PRKN: variants seen among roughly 807,000 people sequenced by gnomAD.
PRKN encodes the protein E3 ubiquitin-protein ligase parkin.
Under a neutral mutation model 59.5 loss-of-function variants are expected in PRKN, and 56 were observed. The ratio of observed to expected loss-of-function variants is 0.94; its 90% CI spans 0.76 to 1.18. The LOEUF is 1.18. Ranked by LOEUF, PRKN falls within the 50% of genes most tolerant of loss-of-function variation. PRKN has a pLI of 0.00. For synonymous variants in PRKN, 250 were observed against 222.1 expected, an observed-to-expected ratio of 1.13 and a Z score of -1.12; for missense variants, 657 against 596.4, an observed-to-expected ratio of 1.10 and a Z score of -1.06.
At position 161,439,634 on chromosome 6, in the gene PRKN, T is replaced by C. The variant is rs12111020; in HGVS notation, c.1084-52757A>G. 4.9e-3 allele frequency among the ~76,000 whole-genome samples: 753 copies of C among 152,278 alleles called. 7 individuals are homozygous for C. Among genetic ancestry groups the C allele is most frequent in the African/African-American group, 0.016 (670 of 41,550 alleles). ...GAAGCCAGATCTCCGAGCGATTCCA[T>C]CTACACTGAACTAAACCGGTTTGTG... On this transcript the variant is annotated intron_variant, in intron 9 of 11. Coordinates refer to ENST00000366898, the MANE Select transcript of PRKN (RefSeq NM_004562.3).
intron 5 of PRKN, among the ~76,000 whole-genome samples, chr6:162,040,004 T>C (rs1225291893): frequency 6.6e-6 from 1 of 152,226 alleles, no homozygotes; most frequent in South Asian, 2.1e-4. Context: ...AAGCAGCATT[T>C]GGTGGGCACT....
intron 1 of PRKN, among the ~76,000 whole-genome samples, chr6:162,483,236 C>A (rs779185325): frequency 4.6e-5 from 7 of 152,078 alleles, no homozygotes; most frequent in Non-Finnish European, 1.0e-4. Context: ...ACATCAAGAT[C>A]TGATGACATG....
intron 2 of PRKN, among the ~76,000 whole-genome samples, chr6:162,270,525 GTGGA>G (rs1780330746): frequency 6.6e-6 from 1 of 152,144 alleles, no homozygotes; most frequent in African/African-American, 2.4e-5. Flanking sequence ...AATCATTTCA[GTGGA>G]AGGCTGTCAA....
chr6:162,216,621 C>A (rs1283760759), intron 3 of PRKN, among the ~76,000 whole-genome samples: 1 of 150,336 alleles, frequency 6.7e-6, no homozygotes, highest in Non-Finnish European at 1.5e-5. Flanking sequence ...CTGTCCAAAC[C>A]ATCTGGCGGC....
intron 2 of PRKN, among the ~76,000 whole-genome samples, chr6:162,423,772 TTA>T (rs1300085227): frequency 6.6e-6 from 1 of 152,170 alleles, no homozygotes; most frequent in African/African-American, 2.4e-5. Context: ...AGACCATTAA[TTA>T]TACTAAATAA....
At chr6:162,601,163 A>G (rs1781693251) in intron 1 of PRKN, among the ~76,000 whole-genome samples, 1 of 152,076 alleles carries the variant, frequency 6.6e-6, no homozygotes, top group Non-Finnish European at 1.5e-5. Flanking sequence ...AGAGGGCAAA[A>G]GCATGCGCGT....
intron 3 of PRKN, among the ~76,000 whole-genome samples, chr6:162,209,759 G>A (rs185496857): frequency 5.4e-4 from 82 of 152,152 alleles, no homozygotes; most frequent in African/African-American, 1.6e-3. Context: ...CATATACACC[G>A]TGGAATACTA....
intron 1 of PRKN, among the ~76,000 whole-genome samples, chr6:162,499,554 A>T (rs963163457): frequency 6.6e-6 from 1 of 152,198 alleles, no homozygotes; most frequent in Non-Finnish European, 1.5e-5. Flanking sequence ...GACTGGGGCA[A>T]CTATGACAAA....
chr6:161,679,372 G>T (rs961493969), intron 7 of PRKN, among the ~76,000 whole-genome samples: 4 of 152,056 alleles, frequency 2.6e-5, no homozygotes, highest in Admixed American at 6.5e-5. Context: ...TCTGCTTCAG[G>T]CCACTGAGCT....
At chr6:162,342,275 T>C (rs1408287005) in intron 2 of PRKN, among the ~76,000 whole-genome samples, 1 of 152,198 alleles carries the variant, frequency 6.6e-6, no homozygotes, top group East Asian at 1.9e-4. Flanking sequence ...CCTTCAACTT[T>C]CACTCTACAT....
chr6:162,066,454 G>GGAAAC (rs1562492606), intron 4 of PRKN, among the ~76,000 whole-genome samples: 20 of 152,162 alleles, frequency 1.3e-4, no homozygotes, highest in Non-Finnish European at 2.8e-4. Flanking sequence ...TAAAATTCAT[G>GGAAAC]TGTTGGAAAC....
At chr6:161,637,675 A>G (rs1783575727) in intron 7 of PRKN, among the ~76,000 whole-genome samples, 2 of 151,082 alleles carry the variant, frequency 1.3e-5, no homozygotes, top group Non-Finnish European at 2.9e-5. Context: ...TTATCTTGAG[A>G]TGAAACTAAA....
chr6:161,359,890 TG>T lies in PRKN; in HGVS notation c.1285+197del, dbSNP rs1784908384. ...GCTAACTGTGTGCCTCACATAGCCA[TG>T]GAACTACTCACTCATTAAATATTTC... On this transcript the variant is annotated intron_variant, in intron 11 of 11. Transcript: ENST00000366898. The surrounding 1 kb of genome is among the most constrained non-coding windows in gnomAD (Gnocchi z 5.4). 1.3e-5 allele frequency among the ~76,000 whole-genome samples: 2 copies of T among 152,208 alleles called. No individual in the cohort carries two copies. The highest frequency in any genetic ancestry group is 4.1e-4 in the South Asian group (2 of 4,832).
At chr6:162,149,245 T>A in intron 4 of PRKN, among the ~76,000 whole-genome samples, 1 of 152,080 alleles carries the variant, frequency 6.6e-6, no homozygotes, top group East Asian at 1.9e-4. Context: ...TACTTTCTTT[T>A]TTCTTCATAA....
intron 1 of PRKN, among the ~76,000 whole-genome samples, chr6:162,653,844 G>A (rs1188641885): frequency 6.6e-6 from 1 of 152,132 alleles, no homozygotes; most frequent in African/African-American, 2.4e-5. Flanking sequence ...GAATTACAGT[G>A]TATTATTCCT....
chr6:161,995,886 A>C (rs952852903), intron 5 of PRKN, among the ~76,000 whole-genome samples: 1 of 152,192 alleles, frequency 6.6e-6, no homozygotes, highest in African/African-American at 2.4e-5. Context: ...TTACGCCTGT[A>C]ATCCCAGCAC....
At chr6:161,472,183 C>T (rs994946785) in intron 9 of PRKN, among the ~76,000 whole-genome samples, 1 of 152,072 alleles carries the variant, frequency 6.6e-6, no homozygotes, top group African/African-American at 2.4e-5. Flanking sequence ...CCCAGGACAA[C>T]AGAGGGAGGT....
intron 7 of PRKN, among the ~76,000 whole-genome samples, chr6:161,682,732 G>C (rs546984267): frequency 6.6e-6 from 1 of 152,126 alleles, no homozygotes; most frequent in African/African-American, 2.4e-5. Flanking sequence ...GGGAGCAGAG[G>C]GCCGCTCTGC....
At chr6:162,581,822 G>T (rs1358644301) in intron 1 of PRKN, among the ~76,000 whole-genome samples, 62 of 152,134 alleles carry the variant, frequency 4.1e-4, no homozygotes, top group Admixed American at 4.1e-3. Flanking sequence ...GTTAGGTAAA[G>T]TAAATTACTT....
Sources: gnomAD v4.1 joint callset for allele counts (sites outside exome capture counted in the v4.1 genomes callset) on GRCh38, gnomAD v4.1.1 for gene constraint, Gnocchi (gnomAD v3.1) non-coding constraint, MANE v1.5 for transcripts, NCBI Gene and HGNC (gene_info 2026-07-23, HGNC 2026-07-21) for gene names.